CDH18: variants seen among roughly 807,000 people sequenced by gnomAD.
CDH18 encodes the protein cadherin-18.
In CDH18, 31 loss-of-function variants were observed where a neutral mutation model predicts 67.9. That is an observed-to-expected ratio of 0.46 (90% CI 0.34 to 0.62). CDH18 has a LOEUF of 0.62. CDH18 is among the 20% of genes least tolerant of loss of function. CDH18 has a pLI of 0.01. For missense variants in CDH18, 890 were observed against 975.5 expected (o/e 0.91, Z 1.17); for synonymous variants, 362 against 347.2 (o/e 1.04, Z -0.48).
Position 19,571,568 on chromosome 5 carries a change from G to A in CDH18, c.1253+11C>T, listed in dbSNP as rs1741394072. On this transcript the variant is annotated intron_variant, in intron 8 of 12. Transcript: ENST00000382275. Reference sequence around the variant, plus strand: ...ATCTTTCTATGTCTAAACGATTGAAGCATGCCATACCTTACTAAGCTGTTA... The same window carrying A: ...ATCTTTCTATGTCTAAACGATTGAAACATGCCATACCTTACTAAGCTGTTA... 1 of 1,608,490 alleles carries A rather than the reference G, an allele frequency of 6.2e-7. No individual in the cohort carries two copies. The highest frequency in any genetic ancestry group is 2.2e-5 in the East Asian group (1 of 44,748).
At chr5:20,304,773 G>T in intron 1 of CDH18, 1 of 1,610,932 alleles carries the variant, frequency 6.2e-7, no homozygotes, top group Admixed American at 1.7e-5. Context: ...ATTTTGTTGA[G>T]CCAACAAGGG....
intron 2 of CDH18, among the ~76,000 whole-genome samples, chr5:20,162,097 G>T (rs1438367574): frequency 1.3e-5 from 2 of 151,948 alleles, no homozygotes; most frequent in African/African-American, 4.8e-5. Context: ...TCCACTATAA[G>T]ATTTCACACT....
chr5:19,659,689 A>T (rs1756901680), intron 5 of CDH18, among the ~76,000 whole-genome samples: 1 of 152,102 alleles, frequency 6.6e-6, no homozygotes, highest in Non-Finnish European at 1.5e-5. Flanking sequence ...GTGTCTTCAC[A>T]TAGCTTTTAC....
At chr5:19,755,565 T>G (rs1352924471) in intron 3 of CDH18, among the ~76,000 whole-genome samples, 1 of 144,398 alleles carries the variant, frequency 6.9e-6, no homozygotes, top group Non-Finnish European at 1.5e-5. Flanking sequence ...TTATATATAA[T>G]AAAATATAGG....
chr5:20,043,415 A>T (rs537188590), intron 2 of CDH18, among the ~76,000 whole-genome samples: 2 of 152,234 alleles, frequency 1.3e-5, no homozygotes, highest in African/African-American at 4.8e-5. Flanking sequence ...GGAATTAAAC[A>T]ATAGCTATTC....
chr5:20,125,284 T>TTGTG (rs1363606155), intron 2 of CDH18, among the ~76,000 whole-genome samples: 1 of 38,630 alleles, frequency 2.6e-5, no homozygotes, highest in African/African-American at 4.1e-5. Flanking sequence ...TAATACAACT[T>TTGTG]CGTGTGTGTG....
At chr5:20,294,534 T>C (rs1419680241) in intron 1 of CDH18, among the ~76,000 whole-genome samples, 1 of 152,224 alleles carries the variant, frequency 6.6e-6, no homozygotes, top group African/African-American at 2.4e-5. Context: ...GATTTCTTTG[T>C]GAGGACATAT....
Position 19,494,709 on chromosome 5 carries a change from G to A in CDH18, c.1630+8283C>T, listed in dbSNP as rs531096919. ...GATCTTTCTCTAAGAAAGGTGTTTT[G>A]AGCTCTGATTCCCAGAGATTCCTCC... On this transcript the variant is annotated intron_variant, in intron 11 of 12. Transcript: ENST00000382275. 1.1e-4 allele frequency among the ~76,000 whole-genome samples: 16 copies of A among 152,054 alleles called. 1 individual carries two copies. Among genetic ancestry groups the A allele is most frequent in the Admixed American group, 2.6e-4 (4 of 15,268 alleles).
intron 1 of CDH18, among the ~76,000 whole-genome samples, chr5:20,342,834 C>T (rs892685449): frequency 1.3e-5 from 2 of 152,276 alleles, no homozygotes; most frequent in East Asian, 3.9e-4. Flanking sequence ...AATGCTTGAC[C>T]TCCCTGGTTT....
chr5:19,888,363 A>G (rs1428396037), intron 2 of CDH18, among the ~76,000 whole-genome samples: 1 of 152,074 alleles, frequency 6.6e-6, no homozygotes, highest in South Asian at 2.1e-4. Context: ...CCTTTTATTT[A>G]TGTCTTCTTT....
chr5:19,484,728 A>AGAG (rs1463098298), intron 11 of CDH18, among the ~76,000 whole-genome samples: 1 of 152,218 alleles, frequency 6.6e-6, no homozygotes, highest in African/African-American at 2.4e-5. Context: ...TCAGCCATTA[A>AGAG]GAGACATTAA....
intron 2 of CDH18, among the ~76,000 whole-genome samples, chr5:19,875,473 T>C (rs1269403253): frequency 5.9e-5 from 9 of 152,076 alleles, no homozygotes; most frequent in Admixed American, 3.9e-4. Context: ...GATGGATAGA[T>C]AGATATACAT....
intron 2 of CDH18, among the ~76,000 whole-genome samples, chr5:20,068,511 TC>T (rs746972678): frequency 6.6e-6 from 1 of 152,138 alleles, no homozygotes; most frequent in Non-Finnish European, 1.5e-5. Context: ...AATTATTTTT[TC>T]TTCAAAAGAA....
At chr5:19,814,915 T>C (rs1331732129) in intron 3 of CDH18, among the ~76,000 whole-genome samples, 1 of 151,724 alleles carries the variant, frequency 6.6e-6, no homozygotes, top group African/African-American at 2.4e-5. Context: ...TGTATGATAA[T>C]ATAAAGTTCA....
At chr5:19,563,986 A>G (rs1739923736) in intron 8 of CDH18, among the ~76,000 whole-genome samples, 1 of 152,194 alleles carries the variant, frequency 6.6e-6, no homozygotes, top group South Asian at 2.1e-4. Flanking sequence ...CAGAAAGCAA[A>G]AAGTGACAGA....
At chr5:19,525,969 TC>T (rs1240429447) in intron 9 of CDH18, among the ~76,000 whole-genome samples, 1 of 152,144 alleles carries the variant, frequency 6.6e-6, no homozygotes, top group African/African-American at 2.4e-5. Flanking sequence ...ATTTTCATAT[TC>T]TTTTGACAGC....
intron 1 of CDH18, among the ~76,000 whole-genome samples, chr5:20,527,342 A>G (rs1214453651): frequency 6.6e-6 from 1 of 152,072 alleles, no homozygotes; most frequent in African/African-American, 2.4e-5. Flanking sequence ...CACACTAGAG[A>G]ATATCATCCA....
At chr5:19,824,228 G>C (rs1399023244) in intron 3 of CDH18, among the ~76,000 whole-genome samples, 2 of 152,084 alleles carry the variant, frequency 1.3e-5, no homozygotes, top group African/African-American at 2.4e-5. Flanking sequence ...TCTCACAGAG[G>C]GGGAGCAAAA....
intron 2 of CDH18, among the ~76,000 whole-genome samples, chr5:20,016,449 CT>C (rs1327482738): frequency 6.6e-6 from 1 of 152,006 alleles, no homozygotes; most frequent in Admixed American, 6.6e-5. Context: ...ACATGTACCC[CT>C]GAACCAAAAA....
Sources: gnomAD v4.1 joint callset for allele counts (sites outside exome capture counted in the v4.1 genomes callset) on GRCh38, gnomAD v4.1.1 for gene constraint, MANE v1.5 for transcripts, NCBI Gene and HGNC (gene_info 2026-07-23, HGNC 2026-07-21) for gene names.